The following ANG variants were observed in gnomAD, a reference collection of about 807,000 sequenced individuals.
The protein encoded by ANG is Homo sapiens epididymis luminal protein 168.
For synonymous variants in ANG, 74 were observed against 73.8 expected (o/e 1.00, Z -0.02); for missense variants, 178 against 187.4 (o/e 0.95, Z 0.29).
In ANG at chr14:20,693,576, C is replaced by T. The variant is rs755200671; in HGVS notation, c.12C>T (p.Gly4=). 2 of 1,612,706 alleles carry T rather than the reference C, an allele frequency of 1.2e-6. No individual in the cohort carries two copies. Among genetic ancestry groups the T allele is most frequent in the South Asian group, 1.1e-5 (1 of 91,036 alleles). MVM[G]LGVLLLVFVL... ...CTGTGTTGGAAGAGATGGTGATGGG[C>T]CTGGGCGTTTTGTTGTTGGTCTTCG... Residue 4 remains glycine, a synonymous_variant, in exon 2 of 2, where the codon GGC becomes GGT. Transcript: ENST00000397990.
At chr14:20,692,068 T>C (rs1440037647) in intron 1 of ANG, among the ~76,000 whole-genome samples, 1 of 152,222 alleles carries the variant, frequency 6.6e-6, no homozygotes, top group Non-Finnish European at 1.5e-5. Context: ...TTCATTGACT[T>C]ACACACAAGA....
intron 1 of ANG, among the ~76,000 whole-genome samples, chr14:20,690,381 C>A (rs1290564519): frequency 1.3e-5 from 2 of 152,096 alleles, no homozygotes; most frequent in African/African-American, 4.8e-5. Context: ...AGGCTTTGCA[C>A]CCTTGGCTTA....
upstream of ANG, among the ~76,000 whole-genome samples, chr14:20,688,234 A>C (rs1886516951): frequency 2.6e-5 from 4 of 152,180 alleles, no homozygotes; most frequent in South Asian, 8.3e-4. Flanking sequence ...GGGGCAGTGT[A>C]CTAATAGCTG....
At chr14:20,684,730 C>G (rs568909998), upstream of ANG, 6 of 152,640 alleles carry the variant, frequency 3.9e-5, no homozygotes, top group African/African-American at 1.2e-4. Flanking sequence ...TTGTCCTGCC[C>G]GTTTCTGCGG....
intron 1 of ANG, among the ~76,000 whole-genome samples, chr14:20,690,234 A>G (rs1339951431): frequency 2.0e-5 from 3 of 149,996 alleles, no homozygotes; most frequent in Non-Finnish European, 1.5e-5. Context: ...AAAAAAAAAA[A>G]AAAAAAAAAA....
At chr14:20,693,282 T>A (rs576652455) in intron 1 of ANG, among the ~76,000 whole-genome samples, 11 of 152,234 alleles carry the variant, frequency 7.2e-5, no homozygotes, top group Non-Finnish European at 1.5e-4. Context: ...ATGTTACGAC[T>A]GATAGAGAAA....
chr14:20,686,111 G>T (rs1886414835), upstream of ANG, among the ~76,000 whole-genome samples: 1 of 151,770 alleles, frequency 6.6e-6, no homozygotes, highest in Non-Finnish European at 1.5e-5. Flanking sequence ...TGAGTTCCTT[G>T]GGCAATACAT....
upstream of ANG, among the ~76,000 whole-genome samples, chr14:20,684,916 T>A (rs1318162933): frequency 6.6e-6 from 1 of 152,010 alleles, no homozygotes; most frequent in African/African-American, 2.4e-5. Flanking sequence ...GACGTGAAAG[T>A]CCCGTATTTG....
chr14:20,688,837 G>T lies in ANG; in HGVS notation c.-56G>T, dbSNP rs935562394. ...CAGCTGGAACCCATCTCCCGTTGAA[G>T]GGAAACTGCCAGATTTTTGTAAGAT... On this transcript the variant is annotated 5_prime_UTR_variant, in exon 1 of 2. In the 5' UTR this introduces an upstream ATG that the reference lacks. Coordinates refer to ENST00000397990, the MANE Select transcript of ANG (RefSeq NM_001097577.3). 17 of 985,258 alleles carry T rather than the reference G, an allele frequency of 1.7e-5. No individual in the cohort carries two copies. The African/African-American group carries it at 2.3e-4, about 13-fold the overall frequency. The allele number at this position is 985,258 out of a possible 1,614,324, so 61.0% of individuals were successfully genotyped here.
chr14:20,692,058 T>A (rs1425420392), intron 1 of ANG, among the ~76,000 whole-genome samples: 10 of 152,234 alleles, frequency 6.6e-5, no homozygotes, highest in Non-Finnish European at 1.2e-4. Context: ...TACGAAAATG[T>A]TCATTGACTT....
upstream of ANG, among the ~76,000 whole-genome samples, chr14:20,685,157 G>C (rs778953428): frequency 3.6e-4 from 54 of 152,100 alleles, 1 homozygote; most frequent in Admixed American, 3.2e-3. Context: ...ACTAACATTT[G>C]GGGATCGGTG....
intron 1 of ANG, among the ~76,000 whole-genome samples, chr14:20,689,393 G>C (rs1275782094): frequency 1.3e-5 from 2 of 152,156 alleles, no homozygotes; most frequent in South Asian, 2.1e-4. Context: ...ATATGCCTTG[G>C]GTGTTAGGCT....
At chr14:20,691,518 G>A (rs1258188988) in intron 1 of ANG, among the ~76,000 whole-genome samples, 2 of 152,226 alleles carry the variant, frequency 1.3e-5, no homozygotes, top group East Asian at 1.9e-4. Flanking sequence ...AGCTGCATGA[G>A]TGAATACTTG....
At chr14:20,686,668 G>A (rs1886440984), upstream of ANG, among the ~76,000 whole-genome samples, 1 of 152,196 alleles carries the variant, frequency 6.6e-6, no homozygotes, top group South Asian at 2.1e-4. Flanking sequence ...ATGTCAGCAG[G>A]ACTTTGTCCC....
chr14:20,685,193 C>T (rs1886367076), upstream of ANG, among the ~76,000 whole-genome samples: 1 of 152,128 alleles, frequency 6.6e-6, no homozygotes, highest in African/African-American at 2.4e-5. Context: ...CCTCTGCCTC[C>T]TCACCCTTAA....
At chr14:20,691,805 T>G (rs1014469625) in intron 1 of ANG, among the ~76,000 whole-genome samples, 25 of 152,214 alleles carry the variant, frequency 1.6e-4, no homozygotes, top group African/African-American at 3.9e-4. Context: ...CAACACCAAA[T>G]GCAAATTAGA....
At chr14:20,689,173 G>T (rs1265345078) in intron 1 of ANG, among the ~76,000 whole-genome samples, 3 of 152,178 alleles carry the variant, frequency 2.0e-5, no homozygotes, top group Admixed American at 6.5e-5. Context: ...CTCCCCCGTC[G>T]TCCACCCCTG....
intron 1 of ANG, among the ~76,000 whole-genome samples, chr14:20,689,544 AT>A (rs1304211107): frequency 1.3e-5 from 2 of 152,200 alleles, no homozygotes; most frequent in African/African-American, 4.8e-5. Flanking sequence ...AATACTGAAC[AT>A]TGCCTGTGGG....
rs1886982884 is a variant in ANG, at chr14:20,694,112, A to C, written c.*104A>C. On this transcript the variant is annotated 3_prime_UTR_variant, in exon 2 of 2. Transcript: ENST00000397990. ...ACATTCATTGCCAAGGGCCCAAAGAAAGAGCTACCTGGACCTTTTGTTTTC... is the reference window on the plus strand; with the variant it reads ...ACATTCATTGCCAAGGGCCCAAAGACAGAGCTACCTGGACCTTTTGTTTTC... The C allele has an allele frequency of 1.3e-5, 16 of 1,273,980 alleles. No individual in the cohort carries two copies. In the Admixed American group the frequency reaches 2.6e-4, roughly 20 times the overall value. 78.9% of individuals were successfully genotyped at this position (1,273,980 alleles called of 1,614,324 possible). A position where few individuals can be genotyped will look rare whatever the true frequency, so the allele number is the denominator to read the frequency against.
Sources: gnomAD v4.1 joint callset for allele counts (sites outside exome capture counted in the v4.1 genomes callset) on GRCh38, gnomAD v4.1.1 for gene constraint, MANE v1.5 for transcripts, NCBI Gene and HGNC (gene_info 2026-07-23, HGNC 2026-07-21) for gene names.